Variants in PPP1R14B observed in about 807,000 individuals in gnomAD.
PPP1R14B encodes protein phosphatase 1 regulatory subunit 14B.
Under a neutral mutation model 14.7 loss-of-function variants are expected in PPP1R14B, and 4 were observed. That is an observed-to-expected ratio of 0.27 (90% CI 0.13 to 0.62). The LOEUF (loss-of-function observed/expected upper bound fraction) is 0.62, where lower values mean the gene tolerates loss of function less well. Ranked by LOEUF, PPP1R14B falls within the 20% of genes least tolerant of loss-of-function variation. The pLI is 0.85. For synonymous variants in PPP1R14B, 76 were observed against 87.3 expected (o/e 0.87, Z 0.72); for missense variants, 138 against 201.5 (o/e 0.68, Z 1.91).
At chr11:64,246,375 C>T in intron 1 of PPP1R14B, 41 bp downstream of exon 1, 1 of 1,577,260 alleles carries the variant, frequency 6.3e-7, no homozygotes, top group Non-Finnish European at 8.6e-7. Flanking sequence ...CGGACCGGCG[C>T]GAGACCGATT....
At position 64,244,954 on chromosome 11, in the gene PPP1R14B, C is replaced by T. The variant is rs757977992; in HGVS notation, c.351G>A (p.Leu117=). Reference sequence around the variant, plus strand: ...CCTCTGTGGGTTTGTAACAGTCAACCAGCAGCTCCTAGCAGAGGATGGGGG... The same window carrying T: ...CCTCTGTGGGTTTGTAACAGTCAACTAGCAGCTCCTAGCAGAGGATGGGGG... ...DARAARVKEL[L]VDCYKPTEAF... Residue 117 remains leucine, a synonymous_variant, in exon 3 of 4, where the codon CTG becomes CTA. Coordinates refer to ENST00000309318, the MANE Select transcript of PPP1R14B (RefSeq NM_138689.3). The T allele has an allele frequency of 3.7e-6, 6 of 1,612,236 alleles. No individual in the cohort carries two copies. Among genetic ancestry groups the T allele is most frequent in the East Asian group, 2.2e-5 (1 of 44,822 alleles).
At chr11:64,245,684 C>G in intron 1 of PPP1R14B, 1 of 192,688 alleles carries the variant, frequency 5.2e-6, no homozygotes, top group African/African-American at 2.3e-5. Flanking sequence ...CACAGCTCCC[C>G]GGGAGTGAGG....
In PPP1R14B at chr11:64,246,558, T is replaced by C; in HGVS notation, c.116A>G (p.Glu39Gly). ...CTCATCGTCCGCCCCGCCCGGGCCC[T>C]CTCCTGCGGCCCCGGGGGGGCTCTG... ...YFQSPPGAAG[E>G]GPGGADDEGP... Residue 39 changes from glutamate to glycine, a missense_variant, in exon 1 of 4, where the codon GAG (glutamate) becomes GGG (glycine). Glu to Gly is a moderately conservative substitution (Grantham distance 98, BLOSUM62 -2). Transcript: ENST00000309318. 2 of 1,606,170 alleles carry C rather than the reference T, an allele frequency of 1.2e-6. No individual in the cohort carries two copies. Among genetic ancestry groups the C allele is most frequent in the East Asian group, 2.2e-5 (1 of 44,576 alleles).
chr11:64,245,377 C>T (rs2030836368), intron 1 of PPP1R14B, 90 bp from the exon 2 acceptor site: 9 of 1,065,836 alleles, frequency 8.4e-6, no homozygotes, highest in Non-Finnish European at 1.3e-5. Flanking sequence ...CCCTGCCTAC[C>T]TCGGAGGAAC....
At position 64,246,645 on chromosome 11, in the gene PPP1R14B, G is replaced by T; in HGVS notation, c.29C>A (p.Ala10Glu). Residue 10 changes from alanine to glutamate, a missense_variant, in exon 1 of 4, where the codon GCG becomes GAG. Physicochemically the swap from Ala to Glu is moderately radical, Grantham distance 107 (BLOSUM62 -1). Coordinates refer to ENST00000309318, the MANE Select transcript of PPP1R14B (RefSeq NM_138689.3). MADSGTAGGAALAAPAPGPG... is the reference protein window; with the variant it reads MADSGTAGGEALAAPAPGPG... The stretch of plus-strand genomic sequence containing the variant: ...CCCGGGGGCCGGGGCCGCCAACGCC[G>T]CGCCCCCCGCGGTGCCGCTGTCCGC... 4.8e-6 allele frequency: 6 copies of T among 1,245,898 alleles called. No individual in the cohort carries two copies. Among genetic ancestry groups the T allele is most frequent in the Non-Finnish European group, 6.1e-6 (6 of 989,822 alleles). 77.2% of individuals were successfully genotyped at this position (1,245,898 alleles called of 1,614,324 possible).
rs752500472 is a variant in PPP1R14B at position 64,246,542 on chromosome 11, C to T, written c.132G>A (p.Ala44=). The T allele has an allele frequency of 1.2e-6, 2 of 1,608,940 alleles. No individual in the cohort carries two copies. The highest frequency in any genetic ancestry group is 2.2e-5 in the South Asian group (2 of 90,652). Residue 44 remains alanine (A), a synonymous_variant, in exon 1 of 4, where the codon GCG becomes GCA. Coordinates refer to ENST00000309318, the MANE Select transcript of PPP1R14B (RefSeq NM_138689.3). The part of the protein sequence containing the change: ...PGAAGEGPGG[A]DDEGPVRRQG... ...GGCGCCTCACTGGGCCCTCATCGTC[C>T]GCCCCGCCCGGGCCCTCTCCTGCGG...
At chr11:64,245,152 C>G in intron 2 of PPP1R14B, 52 bp downstream of exon 2, 1 of 1,586,966 alleles carries the variant, frequency 6.3e-7, no homozygotes, top group Non-Finnish European at 8.6e-7. Flanking sequence ...TCCACAGCCT[C>G]ACTTTCCCGG....
chr11:64,245,658 T>G, intron 1 of PPP1R14B: 1 of 204,436 alleles, frequency 4.9e-6, no homozygotes, highest in Non-Finnish European at 9.7e-6. Context: ...CCCCCTCCCC[T>G]CCCCCAAACA....
chr11:64,246,214 G>T (rs1327801099), intron 1 of PPP1R14B: 6 of 664,478 alleles, frequency 9.0e-6, no homozygotes, highest in Admixed American at 9.0e-5. Flanking sequence ...TGGGGGGCAG[G>T]GTCCGAGGCA....
rs1265184050 is a variant in PPP1R14B at position 64,245,246 on chromosome 11, G to C, written c.300C>G (p.Leu100=). ...IPELEIDVDE[L]LDMESDDARA... The stretch of plus-strand genomic sequence containing the variant: ...GGGCATCGTCACTCTCCATGTCCAG[G>C]AGCTCATCCACGTCAATCTCCAGTT... The change falls in exon 2 of 4, where the codon CTC becomes CTG. Residue 100 remains leucine (L), a synonymous_variant. Coordinates refer to ENST00000309318, the MANE Select transcript of PPP1R14B (RefSeq NM_138689.3). 6.2e-7 allele frequency: 1 copy of C among 1,613,468 alleles called. No homozygotes were observed. Among genetic ancestry groups the C allele is most frequent in the East Asian group, 2.2e-5 (1 of 44,840 alleles).
chr11:64,246,306 G>T lies in PPP1R14B; in HGVS notation c.258+110C>A, dbSNP rs2030876115. On this transcript the variant is annotated intron_variant, in intron 1 of 3. Transcript: ENST00000309318. Reference sequence around the variant, plus strand: ...GAGTGCAGAGGGGAGGGGAGCGCGCGGGGAAGCAAAGCGCCCTTTGACTCC... The same window carrying T: ...GAGTGCAGAGGGGAGGGGAGCGCGCTGGGAAGCAAAGCGCCCTTTGACTCC... The T allele has an allele frequency of 2.8e-6, 4 of 1,432,822 alleles. No homozygotes were observed. The Admixed American group carries it at 6.4e-5, about 23-fold the overall frequency. The allele number at this position is 1,432,822 out of a possible 1,614,324, so 88.8% of individuals were successfully genotyped here.
intron 1 of PPP1R14B, 151 bp from the exon 2 acceptor site, chr11:64,245,438 A>T: frequency 1.8e-6 from 1 of 541,558 alleles, no homozygotes; most frequent in Non-Finnish European, 3.1e-6. Flanking sequence ...GGAGGAAAAC[A>T]GATCAGGCCC....
At chr11:64,245,180 C>G in intron 2 of PPP1R14B, 24 bp downstream of exon 2, 1 of 1,608,522 alleles carries the variant, frequency 6.2e-7, no homozygotes, top group Non-Finnish European at 8.5e-7. Flanking sequence ...CCTCAGGCAA[C>G]CCATCGCCCC....
chr11:64,246,799 G>C lies in PPP1R14B; in HGVS notation c.-126C>G, dbSNP rs1342067296. 1.2e-6 allele frequency: 1 copy of C among 834,502 alleles called. No individual in the cohort carries two copies. The highest frequency in any genetic ancestry group is 1.4e-6 in the Non-Finnish European group (1 of 696,010). The allele number at this position is 834,502 out of a possible 1,614,324, so 51.7% of individuals were successfully genotyped here. A position where few individuals can be genotyped will look rare whatever the true frequency, so the allele number is the denominator to read the frequency against. On this transcript the variant is annotated 5_prime_UTR_variant, in exon 1 of 4. Coordinates refer to ENST00000309318, the MANE Select transcript of PPP1R14B (RefSeq NM_138689.3). The stretch of plus-strand genomic sequence containing the variant: ...GCGCGGCTCCGCGGCGAGGGCGGCG[G>C]CGGGGGCGCCCGGGGGCAGCTGCAG...
intron 1 of PPP1R14B, chr11:64,246,050 G>T (rs2030865378): frequency 8.3e-6 from 2 of 242,350 alleles, no homozygotes; most frequent in Admixed American, 1.1e-4. Context: ...TACCAGACCA[G>T]CACCTTGTAA....
chr11:64,246,192 G>T, intron 1 of PPP1R14B: 1 of 598,750 alleles, frequency 1.7e-6, no homozygotes, highest in Non-Finnish European at 2.9e-6. Flanking sequence ...CTTGACCTGG[G>T]GAGTGGCATG....
chr11:64,245,590 T>A (rs1356103088), intron 1 of PPP1R14B: 1 of 375,456 alleles, frequency 2.7e-6, no homozygotes, highest in Non-Finnish European at 4.8e-6. Flanking sequence ...CTCCCCAACA[T>A]CCGGGCCCCC....
At position 64,246,708 on chromosome 11, in the gene PPP1R14B, C is replaced by T; in HGVS notation, c.-35G>A. The T allele has an allele frequency of 9.7e-7, 1 of 1,026,084 alleles. No individual in the cohort carries two copies. Among genetic ancestry groups the T allele is most frequent in the Non-Finnish European group, 1.2e-6 (1 of 858,404 alleles). 63.6% of individuals were successfully genotyped at this position (1,026,084 alleles called of 1,614,324 possible). On this transcript the variant is annotated 5_prime_UTR_variant, in exon 1 of 4. Transcript: ENST00000309318. ...CGGGGCCACGTGCGAGCGTCGGGCC[C>T]CTCCCTGCGCCACCGCCTCCGGGAC...
chr11:64,244,612 A>G lies in PPP1R14B; in HGVS notation c.*142T>C. On this transcript the variant is annotated 3_prime_UTR_variant, in exon 4 of 4. Coordinates refer to ENST00000309318, the MANE Select transcript of PPP1R14B (RefSeq NM_138689.3). Reference sequence around the variant, plus strand: ...AGTGGAAAACTGAGGGGGCAGGGGAAGAGACCCCTGGGCCAGGGGCACGAG... The same window carrying G: ...AGTGGAAAACTGAGGGGGCAGGGGAGGAGACCCCTGGGCCAGGGGCACGAG... The G allele has an allele frequency of 7.0e-7, 1 of 1,435,460 alleles. No homozygotes were observed. The highest frequency in any genetic ancestry group is 1.4e-5 in the African/African-American group (1 of 70,192). 88.9% of individuals were successfully genotyped at this position (1,435,460 alleles called of 1,614,324 possible).
Sources: allele counts gnomAD v4.1 joint callset, GRCh38; gene constraint gnomAD v4.1.1; transcripts MANE v1.5; gene names NCBI Gene and HGNC (gene_info 2026-07-23, HGNC 2026-07-21).